The following RIT2 variants were observed in gnomAD, a reference collection of about 807,000 sequenced individuals.
The protein encoded by RIT2 is Ras like without CAAX 2, also known as GTP-binding protein Rit2.
A neutral mutation model predicts 23.7 loss-of-function variants in RIT2; 24 were observed. The observed-to-expected ratio is 1.01, with a 90% CI of 0.73 to 1.43. The LOEUF is 1.43. Among genes scored for constraint, RIT2 ranks in the 40% most tolerant of loss-of-function variants. The pLI, the probability that RIT2 is intolerant of heterozygous loss-of-function variation, is 0.00. For missense variants in RIT2, 236 were observed against 266.9 expected (o/e 0.88, Z 0.81); for synonymous variants, 107 against 91.1 (o/e 1.17, Z -0.99).
intron 3 of RIT2, among the ~76,000 whole-genome samples, chr18:42,965,063 T>C (rs1237726386): frequency 3.9e-5 from 6 of 152,202 alleles, no homozygotes; most frequent in Non-Finnish European, 7.3e-5. Context: ...ATCTTGGCTA[T>C]GTTGCAAATG....
At chr18:42,837,748 A>G (rs1036338557) in intron 4 of RIT2, among the ~76,000 whole-genome samples, 2 of 152,076 alleles carry the variant, frequency 1.3e-5, no homozygotes, top group African/African-American at 2.4e-5. Context: ...CATTAAGCCA[A>G]TTTCCCCAGG....
chr18:43,052,823 T>G (rs1912414683), intron 1 of RIT2, among the ~76,000 whole-genome samples: 1 of 152,088 alleles, frequency 6.6e-6, no homozygotes, highest in Non-Finnish European at 1.5e-5. Flanking sequence ...GTCTGTGACT[T>G]CGAGTAGCCT....
intron 2 of RIT2, among the ~76,000 whole-genome samples, chr18:42,994,279 C>G (rs1366234603): frequency 6.6e-6 from 1 of 152,090 alleles, no homozygotes; most frequent in African/African-American, 2.4e-5. Flanking sequence ...TCAGTCAAGC[C>G]CAAATTTCTT....
At chr18:42,771,676 A>G (rs544376603) in intron 4 of RIT2, among the ~76,000 whole-genome samples, 8 of 152,256 alleles carry the variant, frequency 5.3e-5, no homozygotes, top group African/African-American at 1.9e-4. Flanking sequence ...AAGTCACTAA[A>G]CAATTTAGAT....
At chr18:42,765,980 A>G (rs942363709) in intron 4 of RIT2, among the ~76,000 whole-genome samples, 1 of 151,596 alleles carries the variant, frequency 6.6e-6, no homozygotes, top group Non-Finnish European at 1.5e-5. Context: ...AGTGTCTTTC[A>G]CCTCCTGCCA....
At chr18:43,094,656 A>G (rs971025665) in intron 1 of RIT2, among the ~76,000 whole-genome samples, 2 of 152,092 alleles carry the variant, frequency 1.3e-5, no homozygotes, top group Non-Finnish European at 1.5e-5. Context: ...TGAAAAGATG[A>G]CATCAAGGAA....
chr18:43,114,456 T>G lies in RIT2; in HGVS notation c.103+961A>C, dbSNP rs142204166. 9.2e-3 allele frequency among the ~76,000 whole-genome samples: 1,408 copies of G among 152,256 alleles called. 10 individuals are homozygous for G. Among genetic ancestry groups the G allele is most frequent in the Middle Eastern group, 0.027 (8 of 294 alleles). ...TATTGTCTTCGTCTTTTAATTTTTTTGTCAACACTAAAACTACTGATTTGT... is the reference window on the plus strand; with the variant it reads ...TATTGTCTTCGTCTTTTAATTTTTTGGTCAACACTAAAACTACTGATTTGT... On this transcript the variant is annotated intron_variant, in intron 1 of 4. Coordinates refer to ENST00000326695, the MANE Select transcript of RIT2 (RefSeq NM_002930.4).
Position 42,907,514 on chromosome 18 carries a change from C to T in RIT2, c.426+16058G>A, listed in dbSNP as rs1054300688. ...CACAAAGCTCAAAGCAGAGCAACTT[C>T]CTGCCAAAACAGAAAACATAAATAG... On this transcript the variant is annotated intron_variant, in intron 4 of 4. Coordinates refer to ENST00000326695, the MANE Select transcript of RIT2 (RefSeq NM_002930.4). 2.0e-5 allele frequency among the ~76,000 whole-genome samples: 3 copies of T among 152,244 alleles called. No homozygotes were observed. The South Asian group carries it at 6.2e-4, about 32-fold the overall frequency.
At chr18:43,094,392 A>C (rs1913501012) in intron 1 of RIT2, among the ~76,000 whole-genome samples, 1 of 151,844 alleles carries the variant, frequency 6.6e-6, no homozygotes, top group South Asian at 2.1e-4. Flanking sequence ...GTGGTCATAC[A>C]TTGTCTATAT....
At chr18:43,055,995 T>G (rs891001531) in intron 1 of RIT2, among the ~76,000 whole-genome samples, 4 of 152,062 alleles carry the variant, frequency 2.6e-5, no homozygotes, top group African/African-American at 9.7e-5. Context: ...AGCCCTCAGT[T>G]TTTCTCTGAA....
intron 1 of RIT2, among the ~76,000 whole-genome samples, chr18:43,055,759 T>G (rs192918884): frequency 4.3e-4 from 66 of 152,014 alleles, no homozygotes; most frequent in African/African-American, 1.3e-3. Flanking sequence ...GGTTATGAGG[T>G]TTTCGGACAT....
At chr18:43,107,589 T>C (rs1913854686) in intron 1 of RIT2, among the ~76,000 whole-genome samples, 1 of 152,194 alleles carries the variant, frequency 6.6e-6, no homozygotes. Flanking sequence ...GTTTGCATGA[T>C]CCCAGGTTTC....
chr18:42,833,816 G>A (rs1470455330), intron 4 of RIT2, among the ~76,000 whole-genome samples: 1 of 151,232 alleles, frequency 6.6e-6, no homozygotes, highest in Non-Finnish European at 1.5e-5. Flanking sequence ...TGTATGGATA[G>A]GAAGAAAAAC....
At chr18:43,002,401 C>T (rs186567714) in intron 2 of RIT2, among the ~76,000 whole-genome samples, 1 of 152,048 alleles carries the variant, frequency 6.6e-6, no homozygotes, top group East Asian at 1.9e-4. Flanking sequence ...TGGCAACACC[C>T]TCACAGACAC....
intron 4 of RIT2, among the ~76,000 whole-genome samples, chr18:42,871,702 G>A (rs1040242818): frequency 6.6e-6 from 1 of 151,848 alleles, no homozygotes; most frequent in Non-Finnish European, 1.5e-5. Flanking sequence ...ATGTCTCATG[G>A]CCAAAGGTGT....
At chr18:43,058,171 T>A (rs1912555071) in intron 1 of RIT2, among the ~76,000 whole-genome samples, 1 of 152,120 alleles carries the variant, frequency 6.6e-6, no homozygotes, top group Non-Finnish European at 1.5e-5. Flanking sequence ...CTGTTGATAG[T>A]AATGTTGATG....
At chr18:42,963,530 T>TG (rs1477251541) in intron 3 of RIT2, among the ~76,000 whole-genome samples, 5 of 152,118 alleles carry the variant, frequency 3.3e-5, no homozygotes, top group Non-Finnish European at 5.9e-5. Flanking sequence ...GCTATATTCA[T>TG]GGGAAAAAAA....
At chr18:42,982,047 A>T (rs4366794) in intron 2 of RIT2, among the ~76,000 whole-genome samples, 7,212 of 152,274 alleles carry the variant, frequency 0.047, 212 homozygotes, top group Middle Eastern at 0.13. Flanking sequence ...TGAAGAGCTG[A>T]GATCTCAAGA....
At chr18:42,919,456 G>A (rs1361641793) in intron 4 of RIT2, among the ~76,000 whole-genome samples, 3 of 152,106 alleles carry the variant, frequency 2.0e-5, no homozygotes, top group East Asian at 1.9e-4. Context: ...GCTTATGCCT[G>A]TAATCCCAGC....
Sources: allele counts gnomAD v4.1 joint callset (sites outside exome capture counted in the v4.1 genomes callset), GRCh38; gene constraint gnomAD v4.1.1; transcripts MANE v1.5; gene names NCBI Gene and HGNC (gene_info 2026-07-23, HGNC 2026-07-21).